DMXL1: variants seen among roughly 807,000 people sequenced by gnomAD.
DMXL1 encodes dmX-like protein 1.
Under a neutral mutation model 319.2 loss-of-function variants are expected in DMXL1, and 99 were observed. The ratio of observed to expected loss-of-function variants is 0.31; its 90% CI spans 0.26 to 0.37. The LOEUF (loss-of-function observed/expected upper bound fraction) is 0.37. Ranked by LOEUF, DMXL1 falls within the 10% of genes least tolerant of loss-of-function variation. The pLI is 1.00. For missense variants in DMXL1, 3,745 were observed against 3,595.6 expected, an observed-to-expected ratio of 1.04 and a Z score of -1.06; for synonymous variants, 1,385 against 1,235.2, an observed-to-expected ratio of 1.12 and a Z score of -2.54.
intron 34 of DMXL1, among the ~76,000 whole-genome samples, chr5:119,212,808 T>C (rs1783033434): frequency 1.3e-5 from 2 of 152,158 alleles, no homozygotes; most frequent in African/African-American, 2.4e-5. Flanking sequence ...AAAATTACAT[T>C]CATAGCACAT....
chr5:119,220,784 AATTGT>A (rs1784514785), intron 36 of DMXL1, among the ~76,000 whole-genome samples, 151 bp from the exon 37 acceptor site: 1 of 152,214 alleles, frequency 6.6e-6, no homozygotes, highest in Non-Finnish European at 1.5e-5. Flanking sequence ...AGGGAACAGA[AATTGT>A]TGAGGTATGA....
In DMXL1 at chr5:119,146,898, C is replaced by G; in HGVS notation, c.2631C>G (p.Asp877Glu). The change falls in exon 16 of 44, where the codon GAC becomes GAG. Residue 877 changes from aspartate (D) to glutamate (E), a missense_variant. Around this residue, in one of 4 missense-constraint regions of DMXL1, gnomAD observed 2,096 missense variants for 1,985.4 expected, o/e 1.06. Coordinates refer to ENST00000539542, the MANE Select transcript of DMXL1 (RefSeq NM_001290321.3). ...TAATTGTAATAGAATGCACTCAAGA[C>G]AACCGTTCACTGTTACACATGTGGA... ...FYLIVIECTQDNRSLLHMWNL... is the reference protein window; with the variant it reads ...FYLIVIECTQENRSLLHMWNL... 6.2e-7 allele frequency: 1 copy of G among 1,612,020 alleles called. No homozygotes were observed. The highest frequency in any genetic ancestry group is 8.5e-7 in the Non-Finnish European group (1 of 1,178,702).
At chr5:119,210,759 T>TTTG (rs1341593534) in intron 34 of DMXL1, among the ~76,000 whole-genome samples, 29 of 143,078 alleles carry the variant, frequency 2.0e-4, no homozygotes, top group African/African-American at 7.5e-4. Context: ...TTTCTTTCGT[T>TTTG]TTTTTTTTTT....
intron 40 of DMXL1, 30 bp from the exon 41 acceptor site, chr5:119,238,959 A>AGTAACACGTATTGTTT: frequency 6.2e-7 from 1 of 1,612,284 alleles, no homozygotes; most frequent in Non-Finnish European, 8.5e-7. Flanking sequence ...TAGTGAGAGG[A>AGTAACACGTATTGTTT]GTAACACGTA....
At chr5:119,204,846 A>G (rs1353821213) in intron 33 of DMXL1, among the ~76,000 whole-genome samples, 2 of 152,214 alleles carry the variant, frequency 1.3e-5, no homozygotes, top group Non-Finnish European at 2.9e-5. Flanking sequence ...ATTTCAGTTG[A>G]AGAAATAAAT....
intron 38 of DMXL1, among the ~76,000 whole-genome samples, chr5:119,227,743 C>T (rs952630451): frequency 2.0e-5 from 3 of 152,014 alleles, no homozygotes; most frequent in South Asian, 2.1e-4. Context: ...GTAATACGAC[C>T]GATGTTTCCA....
intron 34 of DMXL1, among the ~76,000 whole-genome samples, chr5:119,211,865 C>G (rs377084290): frequency 6.6e-6 from 1 of 152,148 alleles, no homozygotes. Flanking sequence ...CTCTTGGAGC[C>G]TCATTTACTG....
In DMXL1 at chr5:119,105,211, A is replaced by T. The variant is rs766385715; in HGVS notation, c.317A>T (p.Gln106Leu). ...ELYSQWQKSG[Q>L]FFLESIAHNI... ...TATAGTCAGTGGCAGAAAAGTGGCC[A>T]ATTTTTTCTGGAATCAATAGCACAC... Residue 106 changes from glutamine (Q) to leucine (L), a missense_variant, in exon 4 of 44, where the codon CAA (glutamine) becomes CTA (leucine). This residue lies in a region of DMXL1 where 2,096 missense variants were observed against 1,985.4 expected (regional missense o/e 1.06). Transcript: ENST00000539542. 1.9e-6 allele frequency: 3 copies of T among 1,613,302 alleles called. No homozygotes were observed. In the Admixed American group the frequency reaches 5.0e-5, roughly 27 times the overall value.
At chr5:119,220,791 G>T (rs1218595600) in intron 36 of DMXL1, 149 bp from the exon 37 acceptor site, 24 of 1,113,774 alleles carry the variant, frequency 2.2e-5, no homozygotes, top group Non-Finnish European at 3.0e-5. Flanking sequence ...AGAAATTGTT[G>T]AGGTATGAGG....
chr5:119,096,991 G>A lies in DMXL1; in HGVS notation c.88-988G>A, dbSNP rs147095230. 5.3e-5 allele frequency among the ~76,000 whole-genome samples: 8 copies of A among 152,290 alleles called. No individual in the cohort carries two copies. In the East Asian group the frequency reaches 9.6e-4, roughly 18 times the overall value. ...ACATTTAAAAATTGTGATATATGCCGTGAAGAAAATAAACAGTAATGTGAT... is the reference window on the plus strand; with the variant it reads ...ACATTTAAAAATTGTGATATATGCCATGAAGAAAATAAACAGTAATGTGAT... On this transcript the variant is annotated intron_variant, in intron 1 of 43. Coordinates refer to ENST00000539542, the MANE Select transcript of DMXL1 (RefSeq NM_001290321.3).
rs1219464859 is a variant in DMXL1 at position 119,149,642 on chromosome 5, G to C, written c.3815G>C (p.Ser1272Thr). 1 of 1,613,894 alleles carries C rather than the reference G, an allele frequency of 6.2e-7. No individual in the cohort carries two copies. ...ITSLIKQSNS[S>T]SGLHPPKKTL... ...AGTTTAATAAAACAGAGTAACTCCA[G>C]TTCTGGGTTACATCCTCCAAAGAAA... Residue 1272 changes from serine to threonine, a missense_variant, in exon 18 of 44, where the codon AGT (serine) becomes ACT (threonine). Around this residue, in one of 4 missense-constraint regions of DMXL1, gnomAD observed 2,096 missense variants for 1,985.4 expected, o/e 1.06. Coordinates refer to ENST00000539542, the MANE Select transcript of DMXL1 (RefSeq NM_001290321.3).
chr5:119,212,786 C>G (rs1372986964), intron 34 of DMXL1, among the ~76,000 whole-genome samples: 2 of 151,920 alleles, frequency 1.3e-5, no homozygotes, highest in Non-Finnish European at 2.9e-5. Flanking sequence ...TGTTGTGAGG[C>G]CTTTAACAAA....
chr5:119,238,530 A>G (rs921832965), intron 40 of DMXL1, among the ~76,000 whole-genome samples: 2 of 152,116 alleles, frequency 1.3e-5, no homozygotes, highest in Admixed American at 1.3e-4. Flanking sequence ...ATATATGTCA[A>G]TTATTTAACA....
chr5:119,139,569 G>C (rs1005077057), intron 13 of DMXL1, among the ~76,000 whole-genome samples: 5 of 152,142 alleles, frequency 3.3e-5, no homozygotes, highest in African/African-American at 1.2e-4. Context: ...TCAACAAGAA[G>C]ACCTAACTAT....
chr5:119,239,504 G>T lies in DMXL1; in HGVS notation c.8651+424G>T, dbSNP rs549075112. On this transcript the variant is annotated intron_variant, in intron 41 of 43. Transcript: ENST00000539542. ...TTTTCTTTGTGCTTAAGAAAATTCA[G>T]CATCTCTCCTGTTAATGTATGTCAG... Among the ~76,000 whole-genome samples, 10 of 152,316 alleles carry T rather than the reference G, an allele frequency of 6.6e-5. No homozygotes were observed. The South Asian group carries it at 2.1e-3, about 32-fold the overall frequency.
intron 41 of DMXL1, among the ~76,000 whole-genome samples, chr5:119,239,959 C>CAAAAAAAAAA: frequency 8.2e-6 from 1 of 121,378 alleles, no homozygotes. Context: ...AACTCCATCT[C>CAAAAAAAAAA]AAAAAAAAAA....
chr5:119,087,300 A>G (rs926159402), intron 1 of DMXL1, among the ~76,000 whole-genome samples: 3 of 151,672 alleles, frequency 2.0e-5, no homozygotes, highest in Non-Finnish European at 4.4e-5. Flanking sequence ...CTGCTTTTTT[A>G]ATGTAAGCAT....
chr5:119,173,798 A>ATATATATATATATATATAT (rs1307519155), intron 25 of DMXL1, among the ~76,000 whole-genome samples: 27 of 126,654 alleles, frequency 2.1e-4, no homozygotes, highest in Admixed American at 3.3e-4. Context: ...ATATATATAT[A>ATATATATATATATATATAT]ATGAGAGAGA....
At chr5:119,160,391 GA>G (rs1461798363) in intron 19 of DMXL1, among the ~76,000 whole-genome samples, 2 of 152,094 alleles carry the variant, frequency 1.3e-5, no homozygotes, top group African/African-American at 4.8e-5. Context: ...ATTGTGATCA[GA>G]AAAGATACTT....
Sources: allele counts gnomAD v4.1 joint callset (sites outside exome capture counted in the v4.1 genomes callset), GRCh38; gene constraint gnomAD v4.1.1; regional missense constraint gnomAD v4.1.1; transcripts MANE v1.5; gene names NCBI Gene and HGNC (gene_info 2026-07-23, HGNC 2026-07-21).